CNTNAP5: variants seen among roughly 807,000 people sequenced by gnomAD.
CNTNAP5 encodes the protein contactin-associated protein-like 5.
CNTNAP5 carries 72 observed loss-of-function variants against 150.2 expected under a neutral mutation model. That is an observed-to-expected ratio of 0.48 (90% CI 0.40 to 0.58). CNTNAP5 has a LOEUF of 0.58. Among genes scored for constraint, CNTNAP5 ranks in the 20% least tolerant of loss-of-function variants. The pLI is 0.00. For missense variants in CNTNAP5, 1,636 were observed against 1,626.2 expected, an observed-to-expected ratio of 1.01 and a Z score of -0.10; for synonymous variants, 672 against 619.8, an observed-to-expected ratio of 1.08 and a Z score of -1.25.
Position 124,301,249 on chromosome 2 carries a change from C to T in CNTNAP5, c.381+58856C>T, listed in dbSNP as rs149764272. Among the ~76,000 whole-genome samples, 37 of 152,262 alleles carry T rather than the reference C, an allele frequency of 2.4e-4. No homozygotes were observed. In the East Asian group the frequency reaches 4.5e-3, roughly 18 times the overall value. The stretch of plus-strand genomic sequence containing the variant: ...AAAGTAGCATGTCATCTCCAAAAAC[C>T]GGACAGCAGTGCTTGCTAAATAAAG... On this transcript the variant is annotated intron_variant, in intron 3 of 23. Coordinates refer to ENST00000682447, the MANE Select transcript of CNTNAP5 (RefSeq NM_001367498.1).
chr2:124,910,183 C>A (rs139943388), intron 22 of CNTNAP5, among the ~76,000 whole-genome samples: 208 of 152,108 alleles, frequency 1.4e-3, no homozygotes, highest in Non-Finnish European at 2.2e-3. Flanking sequence ...ACATCTTTCA[C>A]GTGTGTCTCC....
intron 8 of CNTNAP5, among the ~76,000 whole-genome samples, chr2:124,507,844 C>T (rs1232444136): frequency 6.6e-6 from 1 of 152,170 alleles, no homozygotes; most frequent in Non-Finnish European, 1.5e-5. Context: ...CTTTCACAAG[C>T]TTCCTCATGA....
intron 1 of CNTNAP5, among the ~76,000 whole-genome samples, chr2:124,059,863 T>C (rs1681957009): frequency 6.6e-6 from 1 of 152,126 alleles, no homozygotes; most frequent in South Asian, 2.1e-4. Flanking sequence ...TATATAAAAA[T>C]GTCTCATGGA....
intron 3 of CNTNAP5, among the ~76,000 whole-genome samples, chr2:124,295,930 T>C (rs1688418459): frequency 6.6e-6 from 1 of 152,204 alleles, no homozygotes; most frequent in Non-Finnish European, 1.5e-5. Flanking sequence ...ATTAAAGGAA[T>C]TCTTTAGGAA....
intron 1 of CNTNAP5, among the ~76,000 whole-genome samples, chr2:124,140,061 G>A (rs1029574779): frequency 6.6e-6 from 1 of 152,012 alleles, no homozygotes; most frequent in South Asian, 2.1e-4. Context: ...ACTCCCACCC[G>A]AATATTGCGC....
chr2:124,798,275 A>G lies in CNTNAP5; in HGVS notation c.3172A>G (p.Asn1058Asp). Reference protein sequence around the residue: ...TQAPSLLLFINSSSQDFVVVL... With the variant: ...TQAPSLLLFIDSSSQDFVVVL... ...GGCACCCAGTCTTTTGCTCTTTATC[A>G]ATTCTTCTTCTCAGGACTTCGTGGT... Residue 1058 changes from asparagine to aspartate, a missense_variant, in exon 19 of 24, where the codon AAT becomes GAT. Coordinates refer to ENST00000682447, the MANE Select transcript of CNTNAP5 (RefSeq NM_001367498.1). The G allele has an allele frequency of 6.2e-7, 1 of 1,613,896 alleles. No homozygotes were observed. The highest frequency in any genetic ancestry group is 1.3e-5 in the African/African-American group (1 of 75,058).
intron 17 of CNTNAP5, among the ~76,000 whole-genome samples, chr2:124,776,171 A>G (rs1226328297): frequency 1.3e-5 from 2 of 152,138 alleles, no homozygotes; most frequent in African/African-American, 4.8e-5. Context: ...AACTTAACGC[A>G]AGATCTTTCA....
intron 21 of CNTNAP5, among the ~76,000 whole-genome samples, chr2:124,870,271 C>T (rs1036643471): frequency 1.3e-5 from 2 of 151,120 alleles, no homozygotes; most frequent in African/African-American, 4.9e-5. Context: ...AACATTTTAT[C>T]ACACTTAAGT....
At chr2:124,061,739 T>A (rs528068351) in intron 1 of CNTNAP5, among the ~76,000 whole-genome samples, 1 of 152,240 alleles carries the variant, frequency 6.6e-6, no homozygotes, top group African/African-American at 2.4e-5. Context: ...CAGAATTGGG[T>A]TTAATACTTA....
At chr2:124,362,855 A>G (rs80187544) in intron 3 of CNTNAP5, among the ~76,000 whole-genome samples, 4 of 152,182 alleles carry the variant, frequency 2.6e-5, no homozygotes, top group South Asian at 2.1e-4. Context: ...AATCGACTAC[A>G]TTCTATTTTT....
chr2:124,914,765 T>G lies in CNTNAP5; in HGVS notation c.*477T>G, dbSNP rs971698390. The stretch of plus-strand genomic sequence containing the variant: ...AAGAACCTAGAGGCCTGGTTTGCTT[T>G]GGTGGCATTGTAAAAAGAGTAAGAG... On this transcript the variant is annotated 3_prime_UTR_variant, in exon 24 of 24. Coordinates refer to ENST00000682447, the MANE Select transcript of CNTNAP5 (RefSeq NM_001367498.1). The G allele has an allele frequency of 6.5e-6, 1 of 152,836 alleles. No homozygotes were observed. Among genetic ancestry groups the G allele is most frequent in the African/African-American group, 2.4e-5 (1 of 41,436 alleles). 9.5% of individuals were successfully genotyped at this position (152,836 alleles called of 1,614,324 possible). A position where few individuals can be genotyped will look rare whatever the true frequency, so the allele number is the denominator to read the frequency against.
intron 13 of CNTNAP5, among the ~76,000 whole-genome samples, chr2:124,695,807 A>T (rs1401296509): frequency 6.6e-6 from 1 of 152,016 alleles, no homozygotes; most frequent in Non-Finnish European, 1.5e-5. Flanking sequence ...GAGAAGCATC[A>T]CTCTGTTGTC....
intron 13 of CNTNAP5, among the ~76,000 whole-genome samples, chr2:124,648,413 G>C (rs761057420): frequency 6.6e-6 from 1 of 152,104 alleles, no homozygotes; most frequent in Non-Finnish European, 1.5e-5. Context: ...GCCTAAGGGG[G>C]CAGTGTTAGG....
chr2:124,704,816 T>C (rs1279059164), intron 13 of CNTNAP5, among the ~76,000 whole-genome samples: 1 of 152,094 alleles, frequency 6.6e-6, no homozygotes, highest in African/African-American at 2.4e-5. Context: ...ATGTGCTTTC[T>C]ATTCCCCATC....
At chr2:124,263,114 G>T (rs139754847) in intron 3 of CNTNAP5, among the ~76,000 whole-genome samples, 12 of 152,220 alleles carry the variant, frequency 7.9e-5, no homozygotes, top group African/African-American at 2.9e-4. Context: ...AAACATACGT[G>T]TGTGTGTGCC....
chr2:124,838,536 A>T (rs752634586), intron 19 of CNTNAP5, among the ~76,000 whole-genome samples: 1 of 152,164 alleles, frequency 6.6e-6, no homozygotes, highest in Non-Finnish European at 1.5e-5. Context: ...TCAGCTGGTG[A>T]TCTGGGAAGA....
chr2:124,223,771 G>T (rs1686386291), intron 2 of CNTNAP5, among the ~76,000 whole-genome samples: 2 of 151,564 alleles, frequency 1.3e-5, no homozygotes, highest in Admixed American at 1.3e-4. Context: ...GAATTTGAGT[G>T]CCTGAATCCA....
intron 12 of CNTNAP5, among the ~76,000 whole-genome samples, chr2:124,611,013 G>A (rs1054212194): frequency 1.5e-5 from 2 of 136,010 alleles, no homozygotes; most frequent in Admixed American, 1.5e-4. Flanking sequence ...TCATTAATTG[G>A]CACACGCACA....
chr2:124,812,464 A>G lies in CNTNAP5; in HGVS notation c.3217+14144A>G, dbSNP rs181258749. 7.2e-5 allele frequency among the ~76,000 whole-genome samples: 11 copies of G among 152,100 alleles called. No homozygotes were observed. The East Asian group carries it at 1.7e-3, about 24-fold the overall frequency. ...TGACAGGAAAGGGGCGGTTGGACATACTGCATTATACCCTCCCCACTTTTG... is the reference window on the plus strand; with the variant it reads ...TGACAGGAAAGGGGCGGTTGGACATGCTGCATTATACCCTCCCCACTTTTG... On this transcript the variant is annotated intron_variant, in intron 19 of 23. Transcript: ENST00000682447.
Sources: gnomAD v4.1 joint callset for allele counts (sites outside exome capture counted in the v4.1 genomes callset) on GRCh38, gnomAD v4.1.1 for gene constraint, MANE v1.5 for transcripts, NCBI Gene and HGNC (gene_info 2026-07-23, HGNC 2026-07-21) for gene names.